VPS13B: variants seen among roughly 807,000 people sequenced by gnomAD.
VPS13B encodes the protein vacuolar protein sorting 13 homolog B, also known as intermembrane lipid transfer protein VPS13B.
Under a neutral mutation model 426.4 loss-of-function variants are expected in VPS13B, and 285 were observed. That is an observed-to-expected ratio of 0.67 (90% CI 0.61 to 0.74). VPS13B has a LOEUF of 0.74. VPS13B is among the 30% of genes least tolerant of loss of function. The pLI, the probability that VPS13B is intolerant of heterozygous loss-of-function variation, is 0.00. For missense variants in VPS13B, 4,537 were observed against 4,782.6 expected, an observed-to-expected ratio of 0.95 and a Z score of 1.51; for synonymous variants, 1,676 against 1,676.4, an observed-to-expected ratio of 1.00 and a Z score of 0.01.
intron 37 of VPS13B, among the ~76,000 whole-genome samples, chr8:99,718,173 G>A (rs1201302150): frequency 1.3e-5 from 2 of 151,992 alleles, no homozygotes; most frequent in African/African-American, 4.8e-5. Context: ...TCAGTCGCCT[G>A]GGCTCAAGTG....
chr8:99,581,865 A>G (rs1189690823), intron 33 of VPS13B, among the ~76,000 whole-genome samples: 2 of 152,226 alleles, frequency 1.3e-5, no homozygotes, highest in Non-Finnish European at 2.9e-5. Flanking sequence ...TTCCTTATCT[A>G]GCTCGCTGCG....
chr8:99,398,029 A>T (rs1023851544), intron 21 of VPS13B, among the ~76,000 whole-genome samples: 1 of 152,230 alleles, frequency 6.6e-6, no homozygotes, highest in African/African-American at 2.4e-5. Context: ...ATGGAAAATC[A>T]AAAGCTGAAT....
chr8:99,372,317 C>G (rs1588303154), intron 19 of VPS13B, among the ~76,000 whole-genome samples: 2 of 151,602 alleles, frequency 1.3e-5, no homozygotes, highest in Admixed American at 1.3e-4. Context: ...CAAATGGGAT[C>G]TAATCAAACT....
At position 99,820,045 on chromosome 8, in the gene VPS13B, G is replaced by A; in HGVS notation, c.8917G>A (p.Asp2973Asn). ...CCTGCTTATCAATGAATCCAAATGG[G>A]ACCTCTGGCTATTTGAAGGAGAGAA... ...WALLINESKW[D>N]LWLFEGEKIV... The change falls in exon 49 of 62, where the codon GAC (aspartate) becomes AAC (asparagine). Residue 2973 changes from aspartate to asparagine, a missense_variant. By Grantham distance (23) the Asp-to-Asn change is conservative (BLOSUM62 1). Around this residue, in one of 2 missense-constraint regions of VPS13B, gnomAD observed 4,311 missense variants for 4,474.3 expected, o/e 0.96. Coordinates refer to ENST00000357162, the MANE Select transcript of VPS13B (RefSeq NM_152564.5). 1 of 1,613,928 alleles carries A rather than the reference G, an allele frequency of 6.2e-7. No homozygotes were observed. The highest frequency in any genetic ancestry group is 8.5e-7 in the Non-Finnish European group (1 of 1,179,890).
At chr8:99,315,544 T>A (rs890647412) in intron 19 of VPS13B, among the ~76,000 whole-genome samples, 15 of 152,080 alleles carry the variant, frequency 9.9e-5, no homozygotes, top group East Asian at 1.9e-4. Context: ...GTTTTTTTTT[T>A]AAATTTCTTT....
At chr8:99,490,415 TA>T (rs1368979544) in intron 25 of VPS13B, among the ~76,000 whole-genome samples, 2 of 152,206 alleles carry the variant, frequency 1.3e-5, no homozygotes, top group Non-Finnish European at 2.9e-5. Context: ...GCTGGCCTTA[TA>T]AAATGAGTTA....
rs142843336 is a variant in VPS13B, at chr8:99,772,803, G to A, written c.7248-3972G>A. On this transcript the variant is annotated intron_variant, in intron 40 of 61. Transcript: ENST00000357162. ...GGAGTGGAAGAAATGCAGTGCAACAGGCACACACTCCTGCATCCTCTCTCA... is the reference window on the plus strand; with the variant it reads ...GGAGTGGAAGAAATGCAGTGCAACAAGCACACACTCCTGCATCCTCTCTCA... Among the ~76,000 whole-genome samples the A allele has an allele frequency of 2.0e-5, 3 of 152,266 alleles. No individual in the cohort carries two copies. In the East Asian group the frequency reaches 5.8e-4, roughly 29 times the overall value.
chr8:99,318,685 G>C (rs1225198839), intron 19 of VPS13B, among the ~76,000 whole-genome samples: 1 of 151,934 alleles, frequency 6.6e-6, no homozygotes, highest in African/African-American at 2.4e-5. Context: ...AAGCCTAGCA[G>C]CTAATTTTTG....
rs554980056 is a variant in VPS13B at position 99,635,943 on chromosome 8, G to A, written c.5221-5868G>A. ...GTAAACTTACCTATCTTAATACATT[G>A]AAAAGAGGAATTAGCTACAGTTGGT... On this transcript the variant is annotated intron_variant, in intron 33 of 61. Transcript: ENST00000357162. Among the ~76,000 whole-genome samples, 3 of 152,038 alleles carry A rather than the reference G, an allele frequency of 2.0e-5. No homozygotes were observed. In the East Asian group the frequency reaches 5.8e-4, roughly 29 times the overall value.
chr8:99,434,472 A>G (rs907447712), intron 22 of VPS13B, among the ~76,000 whole-genome samples: 1 of 152,190 alleles, frequency 6.6e-6, no homozygotes, highest in Non-Finnish European at 1.5e-5. Context: ...AGGCTGTTAC[A>G]TTTGTGGTGA....
At chr8:99,501,931 CCTT>C in intron 26 of VPS13B, 73 bp downstream of exon 26, 4 of 1,385,428 alleles carry the variant, frequency 2.9e-6, no homozygotes, top group African/African-American at 1.6e-5. Context: ...TCCCTCCCTT[CCTT>C]CCTTCCTTTC....
intron 19 of VPS13B, among the ~76,000 whole-genome samples, chr8:99,303,010 T>C (rs2133076622): frequency 6.6e-6 from 1 of 151,844 alleles, no homozygotes; most frequent in African/African-American, 2.4e-5. Context: ...CCGGGTGTGG[T>C]GGCTCACCGC....
At chr8:99,640,023 A>G in intron 33 of VPS13B, among the ~76,000 whole-genome samples, 1 of 119,982 alleles carries the variant, frequency 8.3e-6, no homozygotes, top group Admixed American at 9.5e-5. Context: ...TAATAATAAT[A>G]ATAAGAAGAA....
At chr8:99,463,989 C>T (rs1554804995) in intron 23 of VPS13B, among the ~76,000 whole-genome samples, 2 of 152,138 alleles carry the variant, frequency 1.3e-5, no homozygotes, top group Admixed American at 1.3e-4. Context: ...GCCACCGCTC[C>T]AGGCCTTAAC....
chr8:99,274,318 G>T lies in VPS13B; in HGVS notation c.2636G>T (p.Cys879Phe). 6.2e-7 allele frequency: 1 copy of T among 1,614,056 alleles called. No individual in the cohort carries two copies. The highest frequency in any genetic ancestry group is 8.5e-7 in the Non-Finnish European group (1 of 1,179,984). ...ASGTMGSIKICAKAPVDSGKE... is the reference protein window; with the variant it reads ...ASGTMGSIKIFAKAPVDSGKE... ...GGGACCATGGGATCAATAAAAATTT[G>T]TGCCAAAGCCCCAGGTATGTGCAGC... Residue 879 changes from cysteine to phenylalanine, a missense_variant, in exon 18 of 62, where the codon TGT becomes TTT. By Grantham distance (205) the Cys-to-Phe change is radical. Coordinates refer to ENST00000357162, the MANE Select transcript of VPS13B (RefSeq NM_152564.5).
At chr8:99,547,154 A>G (rs1186090863) in intron 30 of VPS13B, among the ~76,000 whole-genome samples, 1 of 152,034 alleles carries the variant, frequency 6.6e-6, no homozygotes. Context: ...AAAAGAGGGC[A>G]TGTTCCTCAG....
chr8:99,573,933 C>A (rs1411952237), intron 31 of VPS13B, among the ~76,000 whole-genome samples: 1 of 152,168 alleles, frequency 6.6e-6, no homozygotes. Context: ...TATCCATGAG[C>A]ATGGAATGTC....
At chr8:99,303,326 A>G (rs933712506) in intron 19 of VPS13B, among the ~76,000 whole-genome samples, 1 of 151,140 alleles carries the variant, frequency 6.6e-6, no homozygotes, top group African/African-American at 2.4e-5. Flanking sequence ...GTTTTGCAAA[A>G]GTGTTGCTGT....
chr8:99,201,820 A>G (rs1389109171), intron 17 of VPS13B, among the ~76,000 whole-genome samples: 1 of 152,202 alleles, frequency 6.6e-6, no homozygotes, highest in African/African-American at 2.4e-5. Context: ...TTCACTTTTC[A>G]ACTATTGACA....
Sources: allele counts gnomAD v4.1 joint callset (sites outside exome capture counted in the v4.1 genomes callset), GRCh38; gene constraint gnomAD v4.1.1; regional missense constraint gnomAD v4.1.1; transcripts MANE v1.5; gene names NCBI Gene and HGNC (gene_info 2026-07-23, HGNC 2026-07-21).